The following TRIM54 variants were observed in gnomAD, a reference collection of about 807,000 sequenced individuals.
The protein encoded by TRIM54 is tripartite motif-containing protein 54.
Under a neutral mutation model 42.0 loss-of-function variants are expected in TRIM54, and 40 were observed. The ratio of observed to expected loss-of-function variants is 0.95; its 90% CI spans 0.74 to 1.24. The LOEUF (loss-of-function observed/expected upper bound fraction) is 1.24. TRIM54 is among the 50% of genes most tolerant of loss of function. The pLI is 0.00. For synonymous variants in TRIM54, 199 were observed against 194.9 expected, an observed-to-expected ratio of 1.02 and a Z score of -0.17; for missense variants, 485 against 480.3, an observed-to-expected ratio of 1.01 and a Z score of -0.09.
At chr2:27,283,764 G>GCACACACGCACGCGCGCGCGCA (rs1558580798) in intron 1 of TRIM54, among the ~76,000 whole-genome samples, 15 of 117,926 alleles carry the variant, frequency 1.3e-4, no homozygotes, top group Middle Eastern at 4.0e-3. Context: ...AGGGGCAAAG[G>GCACACACGCACGCGCGCGCGCA]CACACACACA....
At position 27,306,450 on chromosome 2, in the gene TRIM54, G is replaced by A. The variant is rs558088378; in HGVS notation, c.992-6G>A. On this transcript the variant is annotated splice_polypyrimidine_tract_variant and splice_region_variant and intron_variant, in intron 7 of 8. Transcript: ENST00000380075. The surrounding 1 kb of genome is among the most constrained non-coding windows in gnomAD (Gnocchi z 6.1). ...CTCCACCTCACCAGGCCTTCCTTGG[G>A]CTCAGGCGCTTCCGGGGAGGAAGAG... The A allele has an allele frequency of 1.2e-6, 2 of 1,601,282 alleles. No individual in the cohort carries two copies. The highest frequency in any genetic ancestry group is 2.3e-5 in the East Asian group (1 of 44,214).
intron 1 of TRIM54, among the ~76,000 whole-genome samples, chr2:27,296,352 T>C (rs1007857299): frequency 6.6e-6 from 1 of 152,220 alleles, no homozygotes; most frequent in Non-Finnish European, 1.5e-5. Flanking sequence ...CTGTCTCCAT[T>C]ACTCTCTAGG....
chr2:27,300,669 A>T (rs575625089), intron 3 of TRIM54, among the ~76,000 whole-genome samples: 35 of 133,818 alleles, frequency 2.6e-4, no homozygotes, highest in African/African-American at 1.0e-3. Context: ...CAGGAATTTG[A>T]GACCAGCCTG....
chr2:27,298,006 G>C (rs545960989), intron 1 of TRIM54, among the ~76,000 whole-genome samples: 3 of 146,616 alleles, frequency 2.0e-5, no homozygotes, highest in African/African-American at 7.7e-5. Context: ...AAAAAAGGCC[G>C]GGGGGAGGGC....
At position 27,283,784 on chromosome 2, in the gene TRIM54, G is replaced by GCGCGCACA. The variant is rs367621533; in HGVS notation, c.168+886_168+887insGCGCACAC. On this transcript the variant is annotated intron_variant, in intron 1 of 8. Transcript: ENST00000380075. ...CAAAGGCACACACACACACACGCGC[G>GCGCGCACA]CACACACACACACACACACACACAC... 8.9e-4 allele frequency among the ~76,000 whole-genome samples: 117 copies of GCGCGCACA among 132,184 alleles called. 2 individuals carry two copies. The highest frequency in any genetic ancestry group is 2.7e-3 in the East Asian group (12 of 4,512). The allele number at this position is 132,184 out of a possible 152,430, so 86.7% of individuals were successfully genotyped here.
In TRIM54 at chr2:27,282,895, T is replaced by C. The variant is rs1197851202; in HGVS notation, c.164T>C (p.Phe55Ser). ...NLCRKCANDV[F>S]QASNPLWQSR... ...TGCCGCAAATGTGCCAACGACGTCT[T>C]CCAGGTGGGTGCCAGGGACGGGGCA... is the stretch of plus-strand genomic sequence containing the variant. Residue 55 changes from phenylalanine to serine, a missense_variant, in exon 1 of 9, where the codon TTC (phenylalanine) becomes TCC (serine). Physicochemically the swap from Phe to Ser is radical, Grantham distance 155. Coordinates refer to ENST00000380075, the MANE Select transcript of TRIM54 (RefSeq NM_187841.3). 1 of 1,611,058 alleles carries C rather than the reference T, an allele frequency of 6.2e-7. No homozygotes were observed. Among genetic ancestry groups the C allele is most frequent in the Non-Finnish European group, 8.5e-7 (1 of 1,178,416 alleles).
intron 3 of TRIM54, among the ~76,000 whole-genome samples, chr2:27,302,911 T>A (rs1321670104): frequency 6.6e-6 from 1 of 152,056 alleles, no homozygotes; most frequent in Non-Finnish European, 1.5e-5. Flanking sequence ...TGTGTAAAAT[T>A]AGGGTGAAAA....
rs372346323 is a variant in TRIM54 at position 27,282,758 on chromosome 2, G to C, written c.27G>C (p.Pro9=). ...TGAACTTCACAGTGGGTTTCAAGCC[G>C]CTGCTAGGGGATGCACACAGCATGG... MNFTVGFK[P]LLGDAHSMDN... is the part of the protein sequence containing the mutation. The change falls in exon 1 of 9, where the codon CCG becomes CCC. Residue 9 remains proline (P), a synonymous_variant. Coordinates refer to ENST00000380075, the MANE Select transcript of TRIM54 (RefSeq NM_187841.3). The C allele has an allele frequency of 3.1e-6, 5 of 1,611,440 alleles. No homozygotes were observed. Among genetic ancestry groups the C allele is most frequent in the Non-Finnish European group, 3.4e-6 (4 of 1,178,776 alleles).
chr2:27,287,904 C>G (rs1678621812), intron 1 of TRIM54, among the ~76,000 whole-genome samples: 1 of 152,132 alleles, frequency 6.6e-6, no homozygotes, highest in African/African-American at 2.4e-5. Context: ...TTGTGGATTT[C>G]CATTTTTTGA....
At chr2:27,297,822 A>T (rs1678905947) in intron 1 of TRIM54, among the ~76,000 whole-genome samples, 1 of 152,016 alleles carries the variant, frequency 6.6e-6, no homozygotes, top group South Asian at 2.1e-4. Flanking sequence ...TCTACTAAAA[A>T]TAAAAAAAAT....
chr2:27,293,785 G>T (rs999637531), intron 1 of TRIM54, among the ~76,000 whole-genome samples: 5 of 152,126 alleles, frequency 3.3e-5, no homozygotes, highest in African/African-American at 1.2e-4. Flanking sequence ...ACTTTGGGAG[G>T]CCGAGGTGGG....
intron 1 of TRIM54, 41 bp from the exon 2 acceptor site, chr2:27,298,526 G>A (rs1678932394): frequency 1.3e-6 from 2 of 1,570,930 alleles, no homozygotes; most frequent in Non-Finnish European, 1.7e-6. Flanking sequence ...GTCCCTTCAT[G>A]CCTCCCCGTG....
Position 27,295,441 on chromosome 2 carries a change from G to A in TRIM54, c.169-3126G>A, listed in dbSNP as rs543041371. On this transcript the variant is annotated intron_variant, in intron 1 of 8. Transcript: ENST00000380075. ...CTTGCCTCAGCCTCCCAAAGTATCT[G>A]GGATAACAGGCGCCTGCCACCGCAC... Among the ~76,000 whole-genome samples, 473 of 152,148 alleles carry A rather than the reference G, an allele frequency of 3.1e-3. 1 individual carries two copies. The highest frequency in any genetic ancestry group is 0.01 in the Middle Eastern group (3 of 294).
chr2:27,296,869 C>T (rs565013804), intron 1 of TRIM54, among the ~76,000 whole-genome samples: 2 of 152,266 alleles, frequency 1.3e-5, no homozygotes, highest in South Asian at 4.1e-4. Flanking sequence ...AGCAATTCTC[C>T]TGCCTCAGCC....
In TRIM54 at chr2:27,282,749, T is replaced by G; in HGVS notation, c.18T>G (p.Gly6=). 6.2e-7 allele frequency: 1 copy of G among 1,602,720 alleles called. No individual in the cohort carries two copies. The highest frequency in any genetic ancestry group is 8.5e-7 in the Non-Finnish European group (1 of 1,174,310). Residue 6 remains glycine (G), a synonymous_variant, in exon 1 of 9, where the codon GGT becomes GGG. Coordinates refer to ENST00000380075, the MANE Select transcript of TRIM54 (RefSeq NM_187841.3). MNFTV[G]FKPLLGDAHS... ...CCGAGGGGATGAACTTCACAGTGGG[T>G]TTCAAGCCGCTGCTAGGGGATGCAC...
chr2:27,305,933 C>A, intron 5 of TRIM54, 116 bp downstream of exon 5: 1 of 1,369,276 alleles, frequency 7.3e-7, no homozygotes, highest in Non-Finnish European at 1.0e-6. Flanking sequence ...CGACCTTGGG[C>A]AAGTCACCCC....
rs1022431890 is a variant in TRIM54, at chr2:27,302,135, CAA to C, written c.513+2720_513+2721del. On this transcript the variant is annotated intron_variant, in intron 3 of 8. Coordinates refer to ENST00000380075, the MANE Select transcript of TRIM54 (RefSeq NM_187841.3). ...CGCTATTGCATTCCAGCCTGGGCAACAAGAGCAAAACTCCATCCAAAAATAAA... is the reference window on the plus strand; with the variant it reads ...CGCTATTGCATTCCAGCCTGGGCAACGAGCAAAACTCCATCCAAAAATAAA... Among the ~76,000 whole-genome samples, 4 of 151,738 alleles carry C rather than the reference CAA, an allele frequency of 2.6e-5. No homozygotes were observed. In the South Asian group the frequency reaches 6.2e-4, roughly 24 times the overall value.
chr2:27,304,698 AGT>A (rs1679137645), intron 3 of TRIM54: 1 of 413,782 alleles, frequency 2.4e-6, no homozygotes, highest in Non-Finnish European at 4.4e-6. Context: ...TATCTAGCCC[AGT>A]GTCTGGTATC....
intron 1 of TRIM54, among the ~76,000 whole-genome samples, chr2:27,284,654 G>A (rs1340624069): frequency 6.6e-6 from 1 of 152,076 alleles, no homozygotes; most frequent in African/African-American, 2.4e-5. Context: ...AAGTAACTCT[G>A]AACATCCTTC....
Sources: allele counts gnomAD v4.1 joint callset (sites outside exome capture counted in the v4.1 genomes callset), GRCh38; gene constraint gnomAD v4.1.1; non-coding constraint Gnocchi (gnomAD v3.1); transcripts MANE v1.5; gene names NCBI Gene and HGNC (gene_info 2026-07-23, HGNC 2026-07-21).